Variants in ENTREP2 observed in about 807,000 individuals in gnomAD.
ENTREP2 encodes endosomal transmembrane epsin interactor 2.
the ENTREP2 span, among the ~76,000 whole-genome samples, chr15:29,310,725 A>G: frequency 3.4e-4 from 52 of 151,290 alleles, no homozygotes; most frequent in East Asian, 0.01. Context: ...CAGCAGAAAC[A>G]GAGCTTGAAA....
chr15:29,226,194 G>C, the ENTREP2 span, among the ~76,000 whole-genome samples: 1 of 152,150 alleles, frequency 6.6e-6, no homozygotes, highest in African/African-American at 2.4e-5. Flanking sequence ...TGTACACCAT[G>C]GACAGATAGA....
chr15:29,273,719 G>A, the ENTREP2 span, among the ~76,000 whole-genome samples: 1 of 152,188 alleles, frequency 6.6e-6, no homozygotes, highest in Admixed American at 6.5e-5. Flanking sequence ...GAAGAACGTG[G>A]AAGGACTTGA....
At chr15:29,541,826 G>C in the ENTREP2 span, among the ~76,000 whole-genome samples, 9 of 152,158 alleles carry the variant, frequency 5.9e-5, no homozygotes, top group Non-Finnish European at 1.5e-5. Flanking sequence ...GGGGAAGAAA[G>C]GGAAGGGCTT....
At chr15:29,164,490 G>T in the ENTREP2 span, among the ~76,000 whole-genome samples, 1 of 152,104 alleles carries the variant, frequency 6.6e-6, no homozygotes, top group African/African-American at 2.4e-5. Flanking sequence ...GTGGAAAAAG[G>T]CATTTCACAC....
the ENTREP2 span, among the ~76,000 whole-genome samples, chr15:29,241,129 T>C: frequency 6.6e-6 from 1 of 152,192 alleles, no homozygotes; most frequent in African/African-American, 2.4e-5. Context: ...TTCTTTATAA[T>C]GAAATTAGTG....
the ENTREP2 span, chr15:29,374,971 A>G: frequency 6.6e-6 from 1 of 152,172 alleles, no homozygotes; most frequent in Non-Finnish European, 1.5e-5. Context: ...TTTGGAACAT[A>G]CAATTTTAAT....
the ENTREP2 span, among the ~76,000 whole-genome samples, chr15:29,545,042 G>T: frequency 3.9e-5 from 6 of 152,308 alleles, no homozygotes; most frequent in South Asian, 1.2e-3. Context: ...TGGACAGAAG[G>T]TTGCCTTCCA....
At chr15:29,628,698 T>C in the ENTREP2 span, among the ~76,000 whole-genome samples, 42 of 152,318 alleles carry the variant, frequency 2.8e-4, no homozygotes, top group East Asian at 6.9e-3. Context: ...TTCTGTCCTT[T>C]GGTGTTTGGT....
chr15:29,540,022 C>T, the ENTREP2 span, among the ~76,000 whole-genome samples: 18 of 152,234 alleles, frequency 1.2e-4, no homozygotes, highest in African/African-American at 4.3e-4. Context: ...CAGTGGCTCC[C>T]GTGCACCCAG....
At chr15:29,368,546 CAG>C in the ENTREP2 span, among the ~76,000 whole-genome samples, 1 of 151,774 alleles carries the variant, frequency 6.6e-6, no homozygotes, top group Non-Finnish European at 1.5e-5. Context: ...TCTCACCAAA[CAG>C]AAAATATTAA....
chr15:29,262,162 T>A, the ENTREP2 span, among the ~76,000 whole-genome samples: 1 of 151,660 alleles, frequency 6.6e-6, no homozygotes, highest in Admixed American at 6.6e-5. Flanking sequence ...AGATGCATGG[T>A]GTTATGATAT....
chr15:29,126,452 G>A, the ENTREP2 span: 1 of 1,550,100 alleles, frequency 6.5e-7, no homozygotes, highest in Non-Finnish European at 8.7e-7. Context: ...TGGCGTAGCA[G>A]TGCCCTCGGA....
chr15:29,202,519 A>T, the ENTREP2 span, among the ~76,000 whole-genome samples: 4 of 152,130 alleles, frequency 2.6e-5, no homozygotes, highest in Non-Finnish European at 4.4e-5. Context: ...TGCAGAATGT[A>T]CAGGTTTGTT....
chr15:29,182,154 T>C, the ENTREP2 span, among the ~76,000 whole-genome samples: 1 of 150,996 alleles, frequency 6.6e-6, no homozygotes, highest in East Asian at 1.9e-4. Flanking sequence ...AGATGGAGTC[T>C]CACTTTTTCA....
At chr15:29,240,943 T>C in the ENTREP2 span, among the ~76,000 whole-genome samples, 1 of 152,192 alleles carries the variant, frequency 6.6e-6, no homozygotes, top group Admixed American at 6.5e-5. Flanking sequence ...AGTATTAGGT[T>C]TGTATAAAAA....
chr15:29,290,870 A>C, the ENTREP2 span, among the ~76,000 whole-genome samples: 1 of 152,200 alleles, frequency 6.6e-6, no homozygotes, highest in Non-Finnish European at 1.5e-5. Context: ...GAAGCTGAGG[A>C]GGCCGATGGA....
chr15:29,380,848 CTTT>C, the ENTREP2 span, among the ~76,000 whole-genome samples: 5 of 127,496 alleles, frequency 3.9e-5, no homozygotes, highest in African/African-American at 1.2e-4. Context: ...TGCATCCACA[CTTT>C]TTTTTTTTTT....
the ENTREP2 span, among the ~76,000 whole-genome samples, chr15:29,172,310 C>G: frequency 6.6e-6 from 1 of 152,194 alleles, no homozygotes; most frequent in Non-Finnish European, 1.5e-5. Context: ...AGTAATTTAT[C>G]TTGCTAACCA....
At chr15:29,524,242 T>C in the ENTREP2 span, among the ~76,000 whole-genome samples, 8 of 152,166 alleles carry the variant, frequency 5.3e-5, no homozygotes, top group Admixed American at 2.0e-4. Context: ...AAAAAGAGAT[T>C]TGAAGGACCA....
Sources: gnomAD v4.1 joint callset for allele counts (sites outside exome capture counted in the v4.1 genomes callset) on GRCh38, gnomAD v4.1.1 for gene constraint, MANE v1.5 for transcripts, NCBI Gene and HGNC (gene_info 2026-07-23, HGNC 2026-07-21) for gene names.